Variants in INPP5K observed in about 807,000 individuals in gnomAD.
INPP5K encodes the protein inositol polyphosphate 5-phosphatase K.
Under a neutral mutation model 53.5 loss-of-function variants are expected in INPP5K, and 35 were observed. The ratio of observed to expected loss-of-function variants is 0.65; its 90% confidence interval spans 0.50 to 0.87. INPP5K has a LOEUF of 0.87. Among genes scored for constraint, INPP5K ranks in the 40% least tolerant of loss-of-function variants. The pLI, the probability that INPP5K is intolerant of heterozygous loss-of-function variation, is 0.00. For missense variants in INPP5K, 550 were observed against 586.2 expected, an observed-to-expected ratio of 0.94 and a Z score of 0.64; for synonymous variants, 253 against 232.8, an observed-to-expected ratio of 1.09 and a Z score of -0.79.
At chr17:1,514,327 G>GA (rs61540543) in intron 1 of INPP5K, among the ~76,000 whole-genome samples, 14 of 145,282 alleles carry the variant, frequency 9.6e-5, no homozygotes, top group East Asian at 2.0e-4. Flanking sequence ...TGTCTCAAAA[G>GA]AAAAAAAAAA....
chr17:1,496,261 G>C (rs1376599779), intron 10 of INPP5K, 58 bp downstream of exon 10: 1 of 1,506,896 alleles, frequency 6.6e-7, no homozygotes, highest in Non-Finnish European at 9.1e-7. Flanking sequence ...CCTTCCACAA[G>C]ACAGGAGTGC....
At position 1,495,651 on chromosome 17, in the gene INPP5K, A is replaced by C; in HGVS notation, c.*172T>G. ...ATTTAAGCGGCTAATTCCAGAGATG[A>C]GTAGTGGAGAGAGCAAATGAGCCTG... On this transcript the variant is annotated 3_prime_UTR_variant, in exon 12 of 12. Coordinates refer to ENST00000421807, the MANE Select transcript of INPP5K (RefSeq NM_016532.4). The C allele has an allele frequency of 1.7e-6, 1 of 584,414 alleles. No individual in the cohort carries two copies. The highest frequency in any genetic ancestry group is 2.9e-5 in the East Asian group (1 of 34,480). The allele number at this position is 584,414 out of a possible 1,614,324, so 36.2% of individuals were successfully genotyped here.
chr17:1,500,150 A>T (rs1335244400), intron 7 of INPP5K, among the ~76,000 whole-genome samples: 2 of 152,240 alleles, frequency 1.3e-5, no homozygotes, highest in African/African-American at 2.4e-5. Context: ...TGCCTCCAGA[A>T]TAAAGTTAAA....
At chr17:1,502,640 G>A (rs1431448814) in intron 7 of INPP5K, among the ~76,000 whole-genome samples, 1 of 151,890 alleles carries the variant, frequency 6.6e-6, no homozygotes, top group Non-Finnish European at 1.5e-5. Flanking sequence ...TGAGAAATAG[G>A]ATGGACAAAG....
chr17:1,512,288 G>T (rs1049844342), intron 3 of INPP5K, among the ~76,000 whole-genome samples: 1 of 152,152 alleles, frequency 6.6e-6, no homozygotes, highest in East Asian at 1.9e-4. Context: ...TCTTGGGAAG[G>T]GAGTGGCGGG....
chr17:1,515,387 A>G (rs1173597737), intron 1 of INPP5K: 1 of 978,406 alleles, frequency 1.0e-6, no homozygotes, highest in African/African-American at 1.8e-5. Flanking sequence ...GGCCTCAATG[A>G]CACTGGATCC....
At position 1,509,838 on chromosome 17, in the gene INPP5K, C is replaced by T. The variant is rs781368078; in HGVS notation, c.262-39G>A. On this transcript the variant is annotated intron_variant, in intron 3 of 11. Transcript: ENST00000421807. Reference sequence around the variant, plus strand: ...AGGGCAAAGGTCGCTCATTAAACCACACAGGCCAAGTGCATCCCTTCCAAG... The same window carrying T: ...AGGGCAAAGGTCGCTCATTAAACCATACAGGCCAAGTGCATCCCTTCCAAG... 2.0e-5 allele frequency: 26 copies of T among 1,316,094 alleles called. No homozygotes were observed. In the Admixed American group the frequency reaches 4.4e-4, roughly 22 times the overall value. 81.5% of individuals were successfully genotyped at this position (1,316,094 alleles called of 1,614,324 possible). A position where few individuals can be genotyped will look rare whatever the true frequency, so the allele number is the denominator to read the frequency against.
intron 7 of INPP5K, among the ~76,000 whole-genome samples, chr17:1,498,707 C>T (rs549371787): frequency 3.3e-5 from 5 of 152,286 alleles, no homozygotes; most frequent in African/African-American, 4.8e-5. Flanking sequence ...TGGGCTCAGG[C>T]GATCCCACCT....
chr17:1,513,851 A>C, intron 2 of INPP5K, 21 bp downstream of exon 2: 1 of 1,564,818 alleles, frequency 6.4e-7, no homozygotes, highest in Non-Finnish European at 8.8e-7. Flanking sequence ...GGGATGGGCG[A>C]AGGAGCCTGC....
rs61735261 is a variant in INPP5K at position 1,497,978 on chromosome 17, G to A, written c.921C>T (p.Gly307=). Residue 307 remains glycine, a synonymous_variant, in exon 8 of 12, where the codon GGC becomes GGT. Coordinates refer to ENST00000421807, the MANE Select transcript of INPP5K (RefSeq NM_016532.4). ...CGGAGACAGGCTTGTGGTCGCTGAT[G>A]CCGTACGTCATGTGGCTGCTGTAGC... ...LRGYSSHMTY[G]ISDHKPVSGT... is the part of the protein sequence containing the mutation. 1.2e-4 allele frequency: 196 copies of A among 1,614,140 alleles called. No individual in the cohort carries two copies. In the African/African-American group the frequency reaches 2.3e-3, roughly 19 times the overall value.
At chr17:1,511,067 A>AT (rs1452589366) in intron 3 of INPP5K, among the ~76,000 whole-genome samples, 1 of 152,108 alleles carries the variant, frequency 6.6e-6, no homozygotes, top group Non-Finnish European at 1.5e-5. Flanking sequence ...CCCAAACCCC[A>AT]TAACTATATA....
intron 7 of INPP5K, among the ~76,000 whole-genome samples, chr17:1,499,997 G>A (rs1346484211): frequency 6.6e-6 from 1 of 152,206 alleles, no homozygotes; most frequent in Non-Finnish European, 1.5e-5. Flanking sequence ...TGCCCAGGCT[G>A]AGTGCGGTGG....
intron 8 of INPP5K, 133 bp from the exon 9 acceptor site, chr17:1,496,936 ACTGGGCTGCTCCAACGGAC>A (rs2074865594): frequency 1.2e-6 from 1 of 845,276 alleles, no homozygotes; most frequent in African/African-American, 1.7e-5. Context: ...ATGGAACTCC[ACTGGGCTGCTCCAACGGAC>A]CTTGGCTGGC....
chr17:1,509,056 C>A, intron 5 of INPP5K, 122 bp downstream of exon 5: 1 of 863,532 alleles, frequency 1.2e-6, no homozygotes, highest in Non-Finnish European at 1.7e-6. Context: ...CAGGCTCACT[C>A]GTGGGGGTCA....
chr17:1,507,688 G>A (rs2075193662), intron 6 of INPP5K: 1 of 158,808 alleles, frequency 6.3e-6, no homozygotes, highest in South Asian at 1.8e-4. Flanking sequence ...TTACAGGCAC[G>A]TGCCACCACG....
intron 2 of INPP5K, 100 bp downstream of exon 2, chr17:1,513,772 A>C: frequency 2.9e-6 from 3 of 1,021,646 alleles, no homozygotes; most frequent in Non-Finnish European, 4.4e-6. Flanking sequence ...GAAAGCTCCC[A>C]GCCTTCAGAC....
intron 9 of INPP5K, 36 bp downstream of exon 9, chr17:1,496,630 G>A (rs1424799671): frequency 1.2e-6 from 2 of 1,611,920 alleles, no homozygotes; most frequent in South Asian, 2.2e-5. Context: ...ACCAGGGGCT[G>A]TCGCTGATGG....
chr17:1,499,305 G>A (rs1249946146), intron 7 of INPP5K, among the ~76,000 whole-genome samples: 3 of 152,224 alleles, frequency 2.0e-5, no homozygotes, highest in Non-Finnish European at 4.4e-5. Context: ...GAGGTCAGGA[G>A]ATCGAGACCA....
chr17:1,512,343 T>A (rs2075328706), intron 3 of INPP5K, among the ~76,000 whole-genome samples: 1 of 152,072 alleles, frequency 6.6e-6, no homozygotes, highest in Non-Finnish European at 1.5e-5. Flanking sequence ...TAGCTCCCTA[T>A]CTACAGAAGG....
Sources: allele counts gnomAD v4.1 joint callset (sites outside exome capture counted in the v4.1 genomes callset), GRCh38; gene constraint gnomAD v4.1.1; transcripts MANE v1.5; gene names NCBI Gene and HGNC (gene_info 2026-07-23, HGNC 2026-07-21).